The following NUP153 variants were observed in gnomAD, a reference collection of about 807,000 sequenced individuals.
NUP153 encodes the protein nuclear pore complex protein Nup153.
A neutral mutation model predicts 134.6 loss-of-function variants in NUP153; 27 were observed. The ratio of observed to expected loss-of-function variants is 0.20; its 90% CI spans 0.15 to 0.28. The LOEUF (loss-of-function observed/expected upper bound fraction) is 0.28, where lower values mean the gene tolerates loss of function less well. NUP153 is among the 10% of genes least tolerant of loss of function. The probability of loss-of-function intolerance (pLI) is 1.00; values close to 1 mark genes in which losing one functional copy is unlikely to be tolerated. For missense variants in NUP153, 1,821 were observed against 1,731.3 expected (o/e 1.05, Z -0.92); for synonymous variants, 640 against 623.5 (o/e 1.03, Z -0.40).
chr6:17,646,977 G>C (rs574798478), intron 13 of NUP153, among the ~76,000 whole-genome samples: 5 of 142,728 alleles, frequency 3.5e-5, no homozygotes, highest in Non-Finnish European at 6.0e-5. Flanking sequence ...GGCTGGTCTC[G>C]AACTCTTGAC....
Position 17,665,353 on chromosome 6 carries a change from A to G in NUP153, c.1101T>C (p.Leu367=), listed in dbSNP as rs749931983. Residue 367 remains leucine (L), a synonymous_variant, in exon 9 of 22, where the codon CTT becomes CTC. Transcript: ENST00000262077. ...VDSQYPPVQR[L]MTPKPVSIAT... ...CTATGGAAACTGGCTTTGGGGTCAT[A>G]AGTCTCTGAACAGGAGGATATTGAG... The G allele has an allele frequency of 6.2e-7, 1 of 1,613,418 alleles. No individual in the cohort carries two copies. Among genetic ancestry groups the G allele is most frequent in the Admixed American group, 1.7e-5 (1 of 59,984 alleles).
At chr6:17,672,360 T>C (rs961993142) in intron 5 of NUP153, among the ~76,000 whole-genome samples, 1 of 152,112 alleles carries the variant, frequency 6.6e-6, no homozygotes, top group African/African-American at 2.4e-5. Context: ...GGAGGATCGC[T>C]TGAGCCCAGG....
intron 11 of NUP153, among the ~76,000 whole-genome samples, chr6:17,652,517 C>T (rs963495789): frequency 6.6e-6 from 1 of 151,556 alleles, no homozygotes; most frequent in Admixed American, 6.6e-5. Context: ...CTTTGTAGCC[C>T]GGGGATAGGC....
intron 5 of NUP153, among the ~76,000 whole-genome samples, chr6:17,672,617 TGAACAAA>T (rs1469893531): frequency 1.3e-5 from 2 of 152,076 alleles, no homozygotes; most frequent in African/African-American, 4.8e-5. Context: ...AGCTATTCAA[TGAACAAA>T]GAACAGTCTT....
At chr6:17,661,464 T>C (rs1414562558) in intron 11 of NUP153, among the ~76,000 whole-genome samples, 189 bp downstream of exon 11, 1 of 152,254 alleles carries the variant, frequency 6.6e-6, no homozygotes, top group African/African-American at 2.4e-5. Context: ...TTTTGTTTTG[T>C]TCTATGATAC....
chr6:17,628,617 A>AT lies in NUP153; in HGVS notation c.3544+37_3544+38insA, dbSNP rs1765066280. 6.8e-6 allele frequency: 8 copies of AT among 1,174,442 alleles called. No individual in the cohort carries two copies. The Admixed American group carries it at 2.5e-4, about 37-fold the overall frequency. The allele number at this position is 1,174,442 out of a possible 1,614,324, so 72.8% of individuals were successfully genotyped here. A position where few individuals can be genotyped will look rare whatever the true frequency, so the allele number is the denominator to read the frequency against. Reference sequence around the variant, plus strand: ...TTGTAAAACGACAACTTGTAAAAAAAAAAATAATAATAATAATAATAAAAA... The same window carrying AT: ...TTGTAAAACGACAACTTGTAAAAAAATAAAATAATAATAATAATAATAAAAA... On this transcript the variant is annotated intron_variant, in intron 18 of 21. Transcript: ENST00000262077. The surrounding 1 kb of genome is among the most constrained non-coding windows in gnomAD (Gnocchi z 5.4).
chr6:17,663,260 C>CACATATAT (rs1389702878), intron 9 of NUP153, among the ~76,000 whole-genome samples: 16,343 of 139,562 alleles, frequency 0.12, 1,214 homozygotes, highest in Admixed American at 0.16. Context: ...CACACACACA[C>CACATATAT]ATATATATAT....
intron 1 of NUP153, among the ~76,000 whole-genome samples, chr6:17,705,511 C>G (rs970856605): frequency 4.3e-5 from 6 of 140,994 alleles, no homozygotes; most frequent in African/African-American, 1.3e-4. Context: ...TGTATGAGAT[C>G]AGAGCTGGAG....
At chr6:17,664,761 C>G (rs1767411512) in intron 9 of NUP153, among the ~76,000 whole-genome samples, 2 of 151,924 alleles carry the variant, frequency 1.3e-5, no homozygotes, top group Non-Finnish European at 2.9e-5. Flanking sequence ...TAAGATCTGA[C>G]CAAGGTAGTG....
At chr6:17,699,305 G>A in intron 1 of NUP153, among the ~76,000 whole-genome samples, 1 of 151,158 alleles carries the variant, frequency 6.6e-6, no homozygotes, top group East Asian at 1.9e-4. Context: ...GACCAGCCTG[G>A]CCAACATGGT....
intron 11 of NUP153, among the ~76,000 whole-genome samples, chr6:17,656,341 T>C (rs1389153723): frequency 6.6e-6 from 1 of 152,106 alleles, no homozygotes; most frequent in Non-Finnish European, 1.5e-5. Context: ...GGGTGAAGAA[T>C]CCTGTGACAC....
chr6:17,705,585 T>TGG lies in NUP153; in HGVS notation c.111+690_111+691dup, dbSNP rs200771105. Among the ~76,000 whole-genome samples the TGG allele has an allele frequency of 1.1e-3, 45 of 40,142 alleles. 1 individual carries two copies. The highest frequency in any genetic ancestry group is 4.4e-3 in the East Asian group (8 of 1,804). 26.3% of individuals were successfully genotyped at this position (40,142 alleles called of 152,430 possible). ...AAAATAAAGGCGGGGGTGGCGGTGT[T>TGG]GGGGGGGGGGAGGGGAGTCGCGCAG... On this transcript the variant is annotated intron_variant, in intron 1 of 21. Coordinates refer to ENST00000262077, the MANE Select transcript of NUP153 (RefSeq NM_005124.4).
At chr6:17,659,471 T>TTTTTG (rs1051692678) in intron 11 of NUP153, among the ~76,000 whole-genome samples, 3 of 151,974 alleles carry the variant, frequency 2.0e-5, no homozygotes, top group Non-Finnish European at 2.9e-5. Flanking sequence ...ATTTCTTTTG[T>TTTTTG]TTTTGTTTTG....
At chr6:17,639,891 T>G in intron 15 of NUP153, 48 bp downstream of exon 15, 158 of 1,523,172 alleles carry the variant, frequency 1.0e-4, no homozygotes, top group Non-Finnish European at 1.3e-4. Context: ...GACATTAAAT[T>G]GAGATCATGA....
rs1768187415 is a variant in NUP153 at position 17,675,726 on chromosome 6, T to A, written c.379A>T (p.Thr127Ser). 1.2e-6 allele frequency: 2 copies of A among 1,613,944 alleles called. No individual in the cohort carries two copies. The highest frequency in any genetic ancestry group is 1.7e-6 in the Non-Finnish European group (2 of 1,179,816). The change falls in exon 3 of 22, where the codon ACA becomes TCA. Residue 127 changes from threonine (T) to serine (S), a missense_variant. Physicochemically the swap from Thr to Ser is moderately conservative, Grantham distance 58. Transcript: ENST00000262077. The surrounding 1 kb of genome is among the most constrained non-coding windows in gnomAD (Gnocchi z 4.4). The stretch of plus-strand genomic sequence containing the variant: ...TGGCTCCGATGAAGAGAAGGCCTTG[T>A]TAACACATCTGGATAATTTGAAGCA... ...STASNYPDVL[T>S]RPSLHRSHLN...
At chr6:17,671,438 C>T (rs1292052444) in intron 5 of NUP153, among the ~76,000 whole-genome samples, 6 of 152,122 alleles carry the variant, frequency 3.9e-5, no homozygotes, top group African/African-American at 1.4e-4. Flanking sequence ...GAGCCTGAAG[C>T]TTCTTTGCTG....
At chr6:17,691,054 A>G (rs1484676651) in intron 1 of NUP153, among the ~76,000 whole-genome samples, 1 of 152,162 alleles carries the variant, frequency 6.6e-6, no homozygotes, top group African/African-American at 2.4e-5. Flanking sequence ...AGGCAGGAAA[A>G]TTGCTTGGAA....
intron 11 of NUP153, among the ~76,000 whole-genome samples, chr6:17,659,310 C>T (rs1561882215): frequency 1.3e-5 from 2 of 152,096 alleles, no homozygotes; most frequent in African/African-American, 2.4e-5. Flanking sequence ...TTCTCGTTGG[C>T]AAAAATGTGT....
At chr6:17,691,822 A>ATT (rs35324970) in intron 1 of NUP153, among the ~76,000 whole-genome samples, 1 of 150,092 alleles carries the variant, frequency 6.7e-6, no homozygotes, top group Non-Finnish European at 1.5e-5. Context: ...TATAGCAAGA[A>ATT]TTTTTTTTTT....
Sources: allele counts gnomAD v4.1 joint callset (sites outside exome capture counted in the v4.1 genomes callset), GRCh38; gene constraint gnomAD v4.1.1; non-coding constraint Gnocchi (gnomAD v3.1); transcripts MANE v1.5; gene names NCBI Gene and HGNC (gene_info 2026-07-23, HGNC 2026-07-21).